Variants in MDGA2 observed in about 807,000 individuals in gnomAD.
The protein encoded by MDGA2 is MAM domain-containing glycosylphosphatidylinositol anchor protein 2.
Under a neutral mutation model 117.8 loss-of-function variants are expected in MDGA2, and 40 were observed. The observed-to-expected ratio is 0.34, with a 90% CI of 0.26 to 0.44. The LOEUF (loss-of-function observed/expected upper bound fraction) is 0.44, where lower values mean the gene tolerates loss of function less well. Ranked by LOEUF, MDGA2 falls within the 20% of genes least tolerant of loss-of-function variation. The pLI is 1.00. For synonymous variants in MDGA2, 452 were observed against 439.0 expected, an observed-to-expected ratio of 1.03 and a Z score of -0.37; for missense variants, 1,123 against 1,250.6, an observed-to-expected ratio of 0.90 and a Z score of 1.54.
At chr14:47,461,046 G>C (rs989482429) in intron 1 of MDGA2, among the ~76,000 whole-genome samples, 1 of 151,840 alleles carries the variant, frequency 6.6e-6, no homozygotes, top group Non-Finnish European at 1.5e-5. Context: ...TTTGAAATCC[G>C]AGGGAATAAA....
At chr14:47,406,606 A>T (rs1892266729) in intron 1 of MDGA2, among the ~76,000 whole-genome samples, 1 of 152,040 alleles carries the variant, frequency 6.6e-6, no homozygotes, top group Admixed American at 6.6e-5. Context: ...ACAGAAAGAG[A>T]CATGAAATAT....
chr14:46,931,358 T>G (rs1008490417), intron 9 of MDGA2, among the ~76,000 whole-genome samples: 1 of 151,986 alleles, frequency 6.6e-6, no homozygotes, highest in African/African-American at 2.4e-5. Context: ...TGAAAGAATA[T>G]TTTTAAATTT....
intron 1 of MDGA2, among the ~76,000 whole-genome samples, chr14:47,323,252 C>G (rs1292517452): frequency 6.8e-6 from 1 of 147,596 alleles, no homozygotes; most frequent in Non-Finnish European, 1.5e-5. Context: ...ATAAAAGGCT[C>G]AAGTACAGGT....
intron 14 of MDGA2, among the ~76,000 whole-genome samples, chr14:46,856,007 A>G (rs1000583291): frequency 6.6e-6 from 1 of 152,156 alleles, no homozygotes; most frequent in African/African-American, 2.4e-5. Context: ...TAATGATGAT[A>G]ATGATATTAA....
chr14:47,323,416 A>T (rs1890048747), intron 1 of MDGA2, among the ~76,000 whole-genome samples: 1 of 151,684 alleles, frequency 6.6e-6, no homozygotes, highest in Non-Finnish European at 1.5e-5. Context: ...ACTAGAGGTC[A>T]GGAGTTCGAG....
At chr14:47,113,150 A>C (rs1250278437) in intron 5 of MDGA2, among the ~76,000 whole-genome samples, 1 of 152,170 alleles carries the variant, frequency 6.6e-6, no homozygotes, top group Non-Finnish European at 1.5e-5. Flanking sequence ...CTGACTCCAC[A>C]GAAATACAAA....
intron 2 of MDGA2, among the ~76,000 whole-genome samples, chr14:47,242,579 G>A (rs1343688236): frequency 6.6e-6 from 1 of 151,876 alleles, no homozygotes; most frequent in East Asian, 1.9e-4. Flanking sequence ...GGGGGACTTA[G>A]CACCCGGGCC....
intron 6 of MDGA2, among the ~76,000 whole-genome samples, chr14:47,087,311 T>A (rs1418809968): frequency 6.6e-6 from 1 of 151,624 alleles, no homozygotes; most frequent in East Asian, 2.0e-4. Context: ...GATCAGGTGT[T>A]CGAGACCAGC....
chr14:46,878,926 A>G (rs939787737), intron 11 of MDGA2, among the ~76,000 whole-genome samples: 1 of 152,078 alleles, frequency 6.6e-6, no homozygotes, highest in African/African-American at 2.4e-5. Context: ...TTAATTCACC[A>G]AATTCACTAT....
rs1889169099 is a variant in MDGA2, at chr14:47,298,749, A to G, written c.420+2662T>C. ...GCCCAGGCTGGAGTGCAGTGGCACG[A>G]TCTCGGCTCACTGCAAGCTCCGCCT... is the stretch of plus-strand genomic sequence containing the variant. On this transcript the variant is annotated intron_variant, in intron 2 of 16. Coordinates refer to ENST00000399232, the MANE Select transcript of MDGA2 (RefSeq NM_001113498.3). Among the ~76,000 whole-genome samples the G allele has an allele frequency of 1.4e-5, 2 of 145,834 alleles. 1 individual carries two copies. The highest frequency in any genetic ancestry group is 4.4e-4 in the South Asian group (2 of 4,576).
At chr14:46,980,539 G>A (rs1320887212) in intron 8 of MDGA2, among the ~76,000 whole-genome samples, 1 of 152,194 alleles carries the variant, frequency 6.6e-6, no homozygotes, top group Admixed American at 6.6e-5. Flanking sequence ...AATTTTGAAA[G>A]AAGTTTTACT....
intron 1 of MDGA2, among the ~76,000 whole-genome samples, chr14:47,455,638 T>A (rs1303395153): frequency 6.6e-6 from 1 of 152,216 alleles, no homozygotes; most frequent in Non-Finnish European, 1.5e-5. Context: ...GAAACAGTAG[T>A]AACAGTAGTT....
At chr14:47,100,873 T>TTC (rs1036739369) in intron 5 of MDGA2, among the ~76,000 whole-genome samples, 43 of 152,230 alleles carry the variant, frequency 2.8e-4, no homozygotes, top group African/African-American at 9.9e-4. Flanking sequence ...GCTGTAAACA[T>TTC]TCTCTCTGTA....
At chr14:47,312,868 C>CA (rs1445098903) in intron 1 of MDGA2, among the ~76,000 whole-genome samples, 2 of 148,706 alleles carry the variant, frequency 1.3e-5, no homozygotes, top group African/African-American at 4.9e-5. Context: ...AATGGAAAAT[C>CA]AAATGGATGA....
chr14:47,220,382 A>T (rs61995423), intron 2 of MDGA2, among the ~76,000 whole-genome samples: 29,526 of 152,050 alleles, frequency 0.19, 2,972 homozygotes, highest in Middle Eastern at 0.23. Context: ...TAAACCCCAA[A>T]TTATTAATCG....
chr14:47,584,901 C>A (rs973028840), intron 1 of MDGA2, among the ~76,000 whole-genome samples: 1 of 151,776 alleles, frequency 6.6e-6, no homozygotes, highest in Non-Finnish European at 1.5e-5. Context: ...CCTTAGAATG[C>A]CTTCCTCTTC....
chr14:47,060,441 C>T (rs1296132537), intron 7 of MDGA2, among the ~76,000 whole-genome samples: 1 of 152,048 alleles, frequency 6.6e-6, no homozygotes, highest in Non-Finnish European at 1.5e-5. Flanking sequence ...TATTATTTAT[C>T]TTTCATGATG....
intron 3 of MDGA2, among the ~76,000 whole-genome samples, chr14:47,153,968 G>C (rs541492802): frequency 6.6e-5 from 10 of 152,214 alleles, no homozygotes; most frequent in African/African-American, 2.4e-4. Context: ...GCATTTTCCT[G>C]TACTTTACAG....
chr14:47,574,142 G>A (rs898072575), intron 1 of MDGA2, among the ~76,000 whole-genome samples: 2 of 152,158 alleles, frequency 1.3e-5, no homozygotes, highest in Non-Finnish European at 2.9e-5. Context: ...ACATGCTAGA[G>A]TCAGACCAAG....
Sources: gnomAD v4.1 joint callset for allele counts (sites outside exome capture counted in the v4.1 genomes callset) on GRCh38, gnomAD v4.1.1 for gene constraint, MANE v1.5 for transcripts, NCBI Gene and HGNC (gene_info 2026-07-23, HGNC 2026-07-21) for gene names.